HEMK2: variants seen among roughly 807,000 people sequenced by gnomAD.
HEMK2 encodes methyltransferase HEMK2.
the HEMK2 span, among the ~76,000 whole-genome samples, chr21:28,879,062 T>G: frequency 6.8e-6 from 1 of 146,712 alleles, no homozygotes; most frequent in African/African-American, 2.5e-5. Context: ...TTTAGATCCT[T>G]ATCATTGTAG....
the HEMK2 span, among the ~76,000 whole-genome samples, chr21:28,852,135 G>A: frequency 6.6e-6 from 1 of 152,194 alleles, no homozygotes; most frequent in Non-Finnish European, 1.5e-5. Context: ...GTACTTGATG[G>A]TGGCACTAAT....
the HEMK2 span, among the ~76,000 whole-genome samples, chr21:28,692,134 G>C: frequency 2.0e-5 from 3 of 152,164 alleles, no homozygotes; most frequent in Admixed American, 1.3e-4. Context: ...CTAAAAGATT[G>C]TATCACCCAT....
chr21:28,726,324 CTT>C, the HEMK2 span, among the ~76,000 whole-genome samples: 2 of 151,780 alleles, frequency 1.3e-5, no homozygotes, highest in Admixed American at 6.6e-5. Context: ...AATAAATAAA[CTT>C]AAAAATTTAA....
chr21:28,731,069 T>C, the HEMK2 span, among the ~76,000 whole-genome samples: 1 of 152,106 alleles, frequency 6.6e-6, no homozygotes, highest in Non-Finnish European at 1.5e-5. Context: ...ACCCATCAAT[T>C]GCATAAATAA....
the HEMK2 span, among the ~76,000 whole-genome samples, chr21:28,860,469 A>C: frequency 0.13 from 18,958 of 148,402 alleles, 1,315 homozygotes; most frequent in South Asian, 0.17. Context: ...ATATATATAT[A>C]ACATATATAA....
the HEMK2 span, among the ~76,000 whole-genome samples, chr21:28,625,726 T>C: frequency 2.0e-5 from 3 of 151,602 alleles, no homozygotes; most frequent in Non-Finnish European, 4.4e-5. Context: ...TAAAAAAACA[T>C]AAAAATTAAA....
At chr21:28,762,127 T>C in the HEMK2 span, among the ~76,000 whole-genome samples, 1 of 152,164 alleles carries the variant, frequency 6.6e-6, no homozygotes, top group East Asian at 1.9e-4. Flanking sequence ...GCTGACAACC[T>C]GCAGAAATTC....
the HEMK2 span, chr21:28,874,918 C>T: frequency 1.3e-5 from 2 of 152,234 alleles, no homozygotes; most frequent in African/African-American, 2.4e-5. Flanking sequence ...TTGTGTCCAC[C>T]AGGAGGATTT....
chr21:28,869,562 A>G, the HEMK2 span, among the ~76,000 whole-genome samples: 1,442 of 152,318 alleles, frequency 9.5e-3, 31 homozygotes, highest in African/African-American at 0.033. Context: ...AGCCCTGGCC[A>G]CTGGAATTTG....
chr21:28,682,222 C>T, the HEMK2 span, among the ~76,000 whole-genome samples: 1 of 152,054 alleles, frequency 6.6e-6, no homozygotes, highest in Admixed American at 6.6e-5. Context: ...ACAAACAACC[C>T]CATCAAAAAG....
chr21:28,723,766 G>A, the HEMK2 span, among the ~76,000 whole-genome samples: 6 of 152,280 alleles, frequency 3.9e-5, no homozygotes, highest in East Asian at 1.9e-4. Flanking sequence ...AGCCTGGCAC[G>A]TACTACGAAC....
At chr21:28,642,905 G>A in the HEMK2 span, among the ~76,000 whole-genome samples, 9 of 152,182 alleles carry the variant, frequency 5.9e-5, no homozygotes. Flanking sequence ...CAGGATGGGG[G>A]CAAGGCAGGG....
At chr21:28,643,950 G>A in the HEMK2 span, among the ~76,000 whole-genome samples, 7 of 152,162 alleles carry the variant, frequency 4.6e-5, no homozygotes, top group East Asian at 5.8e-4. Context: ...CCAGTGATAG[G>A]AGCATGAAGA....
the HEMK2 span, among the ~76,000 whole-genome samples, chr21:28,709,742 G>T: frequency 2.0e-5 from 3 of 152,146 alleles, no homozygotes; most frequent in Admixed American, 2.0e-4. Flanking sequence ...GAGGGCAGGG[G>T]AGAAAAGCAC....
the HEMK2 span, among the ~76,000 whole-genome samples, chr21:28,605,919 CA>C: frequency 2.0e-5 from 3 of 151,986 alleles, no homozygotes; most frequent in Admixed American, 6.6e-5. Context: ...GATATTTGGA[CA>C]AAAAAATTGC....
At chr21:28,871,661 T>C in the HEMK2 span, among the ~76,000 whole-genome samples, 1 of 152,154 alleles carries the variant, frequency 6.6e-6, no homozygotes, top group Admixed American at 6.5e-5. Context: ...AACAAACACA[T>C]CCTCTCACAG....
chr21:28,725,795 TTCAAAAGACATTG>T, the HEMK2 span, among the ~76,000 whole-genome samples: 1 of 152,208 alleles, frequency 6.6e-6, no homozygotes, highest in East Asian at 1.9e-4. Context: ...CTAAAATAAT[TTCAAAAGACATTG>T]TACCCCCTAG....
chr21:28,629,073 C>G, the HEMK2 span, among the ~76,000 whole-genome samples: 3 of 152,288 alleles, frequency 2.0e-5, no homozygotes, highest in Non-Finnish European at 2.9e-5. Context: ...TTAAGTACAG[C>G]CCTTCCTCAT....
At chr21:28,722,077 A>G in the HEMK2 span, among the ~76,000 whole-genome samples, 3 of 152,140 alleles carry the variant, frequency 2.0e-5, no homozygotes, top group Admixed American at 2.0e-4. Flanking sequence ...TTAACTTCCA[A>G]AAGTTTTGCA....
Sources: gnomAD v4.1 joint callset for allele counts (sites outside exome capture counted in the v4.1 genomes callset) on GRCh38, gnomAD v4.1.1 for gene constraint, MANE v1.5 for transcripts, NCBI Gene and HGNC (gene_info 2026-07-23, HGNC 2026-07-21) for gene names.